Variants in TSPAN18 observed in about 807,000 individuals in gnomAD.
TSPAN18 encodes tetraspanin-18.
TSPAN18 carries 14 observed loss-of-function variants against 27.3 expected under a neutral mutation model. That is an observed-to-expected ratio of 0.51 (90% CI 0.34 to 0.80). TSPAN18 has a LOEUF of 0.80. TSPAN18 is among the 30% of genes least tolerant of loss of function. The probability of loss-of-function intolerance (pLI) is 0.01; values close to 1 mark genes in which losing one functional copy is unlikely to be tolerated. For synonymous variants in TSPAN18, 143 were observed against 136.5 expected, an observed-to-expected ratio of 1.05 and a Z score of -0.33; for missense variants, 268 against 323.9, an observed-to-expected ratio of 0.83 and a Z score of 1.32.
At chr11:44,843,463 T>G (rs835788) in intron 2 of TSPAN18, among the ~76,000 whole-genome samples, 1 of 152,122 alleles carries the variant, frequency 6.6e-6, no homozygotes, top group Non-Finnish European at 1.5e-5. Flanking sequence ...ACCACAGGAA[T>G]GAGGCGAAAT....
In TSPAN18 at chr11:44,862,058, C is replaced by A. The variant is rs537081767; in HGVS notation, c.-11+1589C>A. Among the ~76,000 whole-genome samples the A allele has an allele frequency of 2.6e-5, 4 of 152,148 alleles. No homozygotes were observed. In the South Asian group the frequency reaches 8.3e-4, roughly 32 times the overall value. On this transcript the variant is annotated intron_variant, in intron 3 of 9. Transcript: ENST00000520358. ...CATGGCTGAGGGGAGTTTCTTGAGCCTCTTTAGGGTTTTTTGCGCTAAATG... is the reference window on the plus strand; with the variant it reads ...CATGGCTGAGGGGAGTTTCTTGAGCATCTTTAGGGTTTTTTGCGCTAAATG...
chr11:44,851,617 C>T (rs888475476), intron 2 of TSPAN18, among the ~76,000 whole-genome samples: 5 of 146,196 alleles, frequency 3.4e-5, no homozygotes, highest in Non-Finnish European at 6.1e-5. Flanking sequence ...TTGTCACCTC[C>T]CCCCCCCAAC....
At chr11:44,920,565 G>GA (rs1338834550) in intron 8 of TSPAN18, among the ~76,000 whole-genome samples, 1 of 152,098 alleles carries the variant, frequency 6.6e-6, no homozygotes, top group Non-Finnish European at 1.5e-5. Flanking sequence ...CAAGCGCCTG[G>GA]CTTTGTGTGC....
intron 3 of TSPAN18, among the ~76,000 whole-genome samples, chr11:44,890,281 CATATT>C (rs1372962632): frequency 6.6e-6 from 1 of 152,186 alleles, no homozygotes; most frequent in African/African-American, 2.4e-5. Context: ...CTTTGAGAAA[CATATT>C]ATAACTTCAC....
In TSPAN18 at chr11:44,929,371, T is replaced by C; in HGVS notation, c.*193T>C. The C allele has an allele frequency of 5.8e-6, 4 of 684,730 alleles. No homozygotes were observed. Among genetic ancestry groups the C allele is most frequent in the South Asian group, 5.7e-5 (3 of 52,460 alleles). The allele number at this position is 684,730 out of a possible 1,614,324, so 42.4% of individuals were successfully genotyped here. On this transcript the variant is annotated 3_prime_UTR_variant, in exon 10 of 10. Coordinates refer to ENST00000520358, the MANE Select transcript of TSPAN18 (RefSeq NM_130783.5). ...AAATGAAGACAAAAATATGGACTGA[T>C]GTATCCTCGCCTGGACTCAGGGCAG...
intron 1 of TSPAN18, among the ~76,000 whole-genome samples, chr11:44,744,534 A>G (rs1855026092): frequency 6.6e-6 from 1 of 152,182 alleles, no homozygotes; most frequent in Non-Finnish European, 1.5e-5. Context: ...AGGACTCATC[A>G]TGTGACCTTA....
At chr11:44,876,961 G>A (rs1321100764) in intron 3 of TSPAN18, among the ~76,000 whole-genome samples, 1 of 152,226 alleles carries the variant, frequency 6.6e-6, no homozygotes, top group Non-Finnish European at 1.5e-5. Flanking sequence ...AGCCCACCAG[G>A]AGCATTGGTG....
intron 1 of TSPAN18, among the ~76,000 whole-genome samples, chr11:44,748,383 G>A (rs995041253): frequency 2.0e-5 from 3 of 150,710 alleles, no homozygotes; most frequent in Non-Finnish European, 4.4e-5. Flanking sequence ...GGGTGACAGA[G>A]TGAGACCCTT....
intron 2 of TSPAN18, among the ~76,000 whole-genome samples, chr11:44,798,863 G>C (rs1294808554): frequency 6.6e-6 from 1 of 152,146 alleles, no homozygotes; most frequent in African/African-American, 2.4e-5. Context: ...CCCTGTCCAG[G>C]CTTGACTGTC....
chr11:44,844,056 A>G (rs1436823819), intron 2 of TSPAN18, among the ~76,000 whole-genome samples: 2 of 152,252 alleles, frequency 1.3e-5, no homozygotes, highest in Admixed American at 1.3e-4. Context: ...ATAAGTGTCC[A>G]TGAAATCTTT....
intron 1 of TSPAN18, among the ~76,000 whole-genome samples, chr11:44,744,541 C>T (rs1855026351): frequency 6.6e-6 from 1 of 152,132 alleles, no homozygotes; most frequent in African/African-American, 2.4e-5. Flanking sequence ...ATCATGTGAC[C>T]TTAGACAAGG....
At chr11:44,771,881 G>T (rs187530497) in intron 2 of TSPAN18, among the ~76,000 whole-genome samples, 164 of 152,324 alleles carry the variant, frequency 1.1e-3, no homozygotes, top group African/African-American at 3.9e-3. Context: ...GGATACCTCC[G>T]TGGATTCTAA....
intron 2 of TSPAN18, among the ~76,000 whole-genome samples, chr11:44,837,432 AG>A (rs1857285793): frequency 6.6e-6 from 1 of 152,266 alleles, no homozygotes. Context: ...GGATAAGCAA[AG>A]AGATGGAAAC....
intron 1 of TSPAN18, among the ~76,000 whole-genome samples, chr11:44,755,551 G>A (rs1398685879): frequency 6.6e-6 from 1 of 152,046 alleles, no homozygotes; most frequent in Non-Finnish European, 1.5e-5. Flanking sequence ...TGGGGACGCA[G>A]CCCCAAGACA....
At chr11:44,762,234 T>C (rs1165021206) in intron 1 of TSPAN18, among the ~76,000 whole-genome samples, 1 of 152,228 alleles carries the variant, frequency 6.6e-6, no homozygotes, top group Non-Finnish European at 1.5e-5. Flanking sequence ...GACACAGCCA[T>C]GGTGGGAAAT....
chr11:44,803,701 G>A (rs1207667695), intron 2 of TSPAN18, among the ~76,000 whole-genome samples: 1 of 152,144 alleles, frequency 6.6e-6, no homozygotes, highest in Non-Finnish European at 1.5e-5. Flanking sequence ...AACTCTATAG[G>A]ACTTTGGAAT....
chr11:44,772,349 T>C (rs1855706615), intron 2 of TSPAN18, among the ~76,000 whole-genome samples: 1 of 152,152 alleles, frequency 6.6e-6, no homozygotes, highest in Non-Finnish European at 1.5e-5. Flanking sequence ...ATTAGAATAA[T>C]GGCCAGAAAA....
At chr11:44,843,969 C>A (rs571358079) in intron 2 of TSPAN18, among the ~76,000 whole-genome samples, 1 of 152,290 alleles carries the variant, frequency 6.6e-6, no homozygotes, top group East Asian at 1.9e-4. Context: ...CGTTATACAT[C>A]CTTCTCAGCT....
At chr11:44,855,044 T>C (rs1357041784) in intron 2 of TSPAN18, among the ~76,000 whole-genome samples, 2 of 152,230 alleles carry the variant, frequency 1.3e-5, no homozygotes, top group Admixed American at 1.3e-4. Context: ...GACAGAGAAA[T>C]TGCAGATTCC....
Sources: allele counts gnomAD v4.1 joint callset (sites outside exome capture counted in the v4.1 genomes callset), GRCh38; gene constraint gnomAD v4.1.1; transcripts MANE v1.5; gene names NCBI Gene and HGNC (gene_info 2026-07-23, HGNC 2026-07-21).